Variants in SEMA3A observed in about 807,000 individuals in gnomAD.
The protein encoded by SEMA3A is semaphorin-3A.
In SEMA3A, 29 loss-of-function variants were observed where a neutral mutation model predicts 97.9. The ratio of observed to expected loss-of-function variants is 0.30; its 90% confidence interval spans 0.22 to 0.40. The LOEUF (loss-of-function observed/expected upper bound fraction) is 0.40. SEMA3A is among the 10% of genes least tolerant of loss of function. The pLI, the probability that SEMA3A is intolerant of heterozygous loss-of-function variation, is 1.00. For synonymous variants in SEMA3A, 321 were observed against 323.7 expected (o/e 0.99, Z 0.09); for missense variants, 763 against 951.3 (o/e 0.80, Z 2.60).
Position 84,326,367 on chromosome 7 carries a change from T to C in SEMA3A, c.-168-19075A>G, listed in dbSNP as rs75024718. ...CCAAAGTTAAGTGTTCTATGAAGCA[T>C]AAACAATAAATATTTTCTTGAATTA... On this transcript the variant is annotated intron_variant, in intron 2 of 3. Coordinates refer to the SEMA3A transcript ENST00000424555. Among the ~76,000 whole-genome samples the C allele has an allele frequency of 7.2e-5, 11 of 152,264 alleles. No homozygotes were observed. The East Asian group carries it at 2.1e-3, about 29-fold the overall frequency.
At chr7:84,172,658 C>T (rs1344626643) in intron 1 of SEMA3A, among the ~76,000 whole-genome samples, 5 of 152,166 alleles carry the variant, frequency 3.3e-5, no homozygotes, top group Admixed American at 3.3e-4. Context: ...GATCTCCTGA[C>T]CTAGTGATCT....
At chr7:84,313,308 T>G (rs1263206256) in intron 2 of SEMA3A, among the ~76,000 whole-genome samples, 1 of 134,826 alleles carries the variant, frequency 7.4e-6, no homozygotes, top group African/African-American at 2.8e-5. Context: ...ATATATGTAT[T>G]ATATACGTGT....
chr7:84,404,739 T>A (rs1346303247), intron 1 of SEMA3A, among the ~76,000 whole-genome samples: 1 of 152,198 alleles, frequency 6.6e-6, no homozygotes, highest in African/African-American at 2.4e-5. Context: ...GGGCCAATAT[T>A]CAACATTCTT....
chr7:84,284,770 TC>T (rs1478771557), intron 3 of SEMA3A, among the ~76,000 whole-genome samples: 1 of 152,140 alleles, frequency 6.6e-6, no homozygotes, highest in Non-Finnish European at 1.5e-5. Flanking sequence ...TCAAATCTCT[TC>T]CCCATTTTCT....
intron 15 of SEMA3A, among the ~76,000 whole-genome samples, chr7:83,968,804 CTTTTTTTTTTT>C (rs34837012): frequency 4.7e-4 from 41 of 86,988 alleles, no homozygotes; most frequent in Middle Eastern, 9.6e-3. Context: ...CTTTTCTTTC[CTTTTTTTTTTT>C]TTTTTTTTTT....
At chr7:84,477,032 A>G (rs964077249) in intron 1 of SEMA3A, among the ~76,000 whole-genome samples, 6 of 149,926 alleles carry the variant, frequency 4.0e-5, no homozygotes, top group African/African-American at 1.2e-4. Flanking sequence ...AGTAAAAAGC[A>G]GTATGGTAGA....
At chr7:84,292,888 C>T (rs1003825286) in intron 3 of SEMA3A, among the ~76,000 whole-genome samples, 7 of 151,700 alleles carry the variant, frequency 4.6e-5, no homozygotes, top group African/African-American at 1.7e-4. Context: ...ACATATTGCC[C>T]TATTCTCTGA....
At position 84,429,550 on chromosome 7, in the gene SEMA3A, CGAGAGAGA is replaced by C. The variant is rs202072224; in HGVS notation, c.-245-57658_-245-57651del. On this transcript the variant is annotated intron_variant, in intron 1 of 3. Coordinates refer to the SEMA3A transcript ENST00000424555. ...TATATATATATATATATATATATAG[CGAGAGAGA>C]GAGAGAGAGAGAGAGGTTAAAATCG... is the stretch of plus-strand genomic sequence containing the variant. Among the ~76,000 whole-genome samples the C allele has an allele frequency of 1.2e-4, 7 of 58,594 alleles. No individual in the cohort carries two copies. The South Asian group carries it at 1.7e-3, about 14-fold the overall frequency. 38.4% of individuals were successfully genotyped at this position (58,594 alleles called of 152,430 possible).
At chr7:84,278,979 C>G (rs1562883940) in intron 3 of SEMA3A, among the ~76,000 whole-genome samples, 1 of 152,054 alleles carries the variant, frequency 6.6e-6, no homozygotes, top group East Asian at 1.9e-4. Flanking sequence ...TATTATAATA[C>G]TCTAAATAAA....
intron 2 of SEMA3A, among the ~76,000 whole-genome samples, chr7:84,352,847 A>G (rs1220130719): frequency 6.6e-6 from 1 of 151,886 alleles, no homozygotes; most frequent in Admixed American, 6.6e-5. Context: ...CATTACATCC[A>G]CAACTATTTA....
At chr7:84,342,540 A>C (rs911739938) in intron 2 of SEMA3A, among the ~76,000 whole-genome samples, 5 of 152,254 alleles carry the variant, frequency 3.3e-5, no homozygotes, top group Non-Finnish European at 7.3e-5. Flanking sequence ...CAGGGAAAAT[A>C]AGATATCTAC....
chr7:84,321,046 A>G (rs934296153), intron 2 of SEMA3A, among the ~76,000 whole-genome samples: 2 of 152,168 alleles, frequency 1.3e-5, no homozygotes, highest in African/African-American at 4.8e-5. Flanking sequence ...ACTTTAGGAA[A>G]GAGTTCTTAT....
chr7:83,976,750 G>T (rs2116303664), intron 15 of SEMA3A, among the ~76,000 whole-genome samples: 1 of 151,856 alleles, frequency 6.6e-6, no homozygotes, highest in African/African-American at 2.4e-5. Flanking sequence ...TCATTTTAAG[G>T]CATATTTTAA....
chr7:83,980,431 C>T (rs1367401900), intron 14 of SEMA3A, among the ~76,000 whole-genome samples: 2 of 150,798 alleles, frequency 1.3e-5, no homozygotes, highest in African/African-American at 4.9e-5. Context: ...ATGGTGAAAC[C>T]CTGTGTCTAC....
At chr7:84,248,892 C>T (rs539768558) in intron 3 of SEMA3A, among the ~76,000 whole-genome samples, 14 of 152,290 alleles carry the variant, frequency 9.2e-5, no homozygotes, top group African/African-American at 3.4e-4. Context: ...AGGAAACTTA[C>T]TGCTCCTCAG....
intron 1 of SEMA3A, among the ~76,000 whole-genome samples, chr7:84,465,835 T>C (rs971828242): frequency 6.6e-6 from 1 of 152,172 alleles, no homozygotes; most frequent in Non-Finnish European, 1.5e-5. Context: ...TTGGAGGGTA[T>C]TAAATAGCTT....
chr7:84,189,841 A>G (rs1035226619), intron 1 of SEMA3A, among the ~76,000 whole-genome samples: 2 of 151,840 alleles, frequency 1.3e-5, no homozygotes, highest in African/African-American at 4.8e-5. Flanking sequence ...AAATTATAAT[A>G]CATGATTTAT....
chr7:83,994,383 A>G (rs1790108174), intron 12 of SEMA3A, among the ~76,000 whole-genome samples: 3 of 117,948 alleles, frequency 2.5e-5, no homozygotes, highest in Admixed American at 9.5e-5. Flanking sequence ...TGGGAGGAGG[A>G]GAGGTGCTCT....
chr7:84,258,853 T>A (rs1376239262), intron 3 of SEMA3A, among the ~76,000 whole-genome samples: 1 of 152,106 alleles, frequency 6.6e-6, no homozygotes, highest in Non-Finnish European at 1.5e-5. Flanking sequence ...TATAGGAAAC[T>A]TGTCTTATTC....
Sources: gnomAD v4.1 joint callset for allele counts (sites outside exome capture counted in the v4.1 genomes callset) on GRCh38, gnomAD v4.1.1 for gene constraint, MANE v1.5 for transcripts, NCBI Gene and HGNC (gene_info 2026-07-23, HGNC 2026-07-21) for gene names.